ASH1L: variants seen among roughly 807,000 people sequenced by gnomAD.
ASH1L encodes histone-lysine N-methyltransferase ASH1L.
In ASH1L, 23 loss-of-function variants were observed where a neutral mutation model predicts 269.0. The ratio of observed to expected loss-of-function variants is 0.09; its 90% CI spans 0.06 to 0.12. ASH1L has a LOEUF of 0.12. ASH1L is among the 10% of genes least tolerant of loss of function. The pLI is 1.00. For missense variants in ASH1L, 2,912 were observed against 3,567.8 expected, an observed-to-expected ratio of 0.82 and a Z score of 4.68; for synonymous variants, 1,187 against 1,253.5, an observed-to-expected ratio of 0.95 and a Z score of 1.12.
intron 1 of ASH1L, among the ~76,000 whole-genome samples, chr1:155,531,937 T>C (rs558109591): frequency 1.1e-4 from 16 of 152,356 alleles, no homozygotes; most frequent in African/African-American, 3.4e-4. Flanking sequence ...TTCAAAGCAA[T>C]GTTCATTGAG....
In ASH1L at chr1:155,477,969, A is replaced by G. The variant is rs1180047464; in HGVS notation, c.4901T>C (p.Phe1634Ser). Residue 1634 changes from phenylalanine to serine, a missense_variant, in exon 3 of 28, where the codon TTT becomes TCT. Physicochemically the swap from Phe to Ser is radical, Grantham distance 155 (BLOSUM62 -2). Around this residue, in one of 13 missense-constraint regions of ASH1L, gnomAD observed 789 missense variants for 897.6 expected, o/e 0.88. Transcript: ENST00000392403. ...RKKLTDSPGL[F>S]SAQDTSLNRL... is the part of the protein sequence containing the mutation. Reference sequence around the variant, plus strand: ...ATTTAGTGAAGTGTCCTGTGCAGAAAAGAGTCCAGGGCTGTCAGTTAATTT... The same window carrying G: ...ATTTAGTGAAGTGTCCTGTGCAGAAGAGAGTCCAGGGCTGTCAGTTAATTT... 7 of 1,614,218 alleles carry G rather than the reference A, an allele frequency of 4.3e-6. No homozygotes were observed. The highest frequency in any genetic ancestry group is 2.2e-5 in the East Asian group (1 of 44,886).
chr1:155,427,413 T>C (rs1363694804), intron 5 of ASH1L, among the ~76,000 whole-genome samples: 1 of 152,092 alleles, frequency 6.6e-6, no homozygotes. Context: ...GTCCAAGCGA[T>C]TGTCCTGCCT....
chr1:155,496,134 C>T (rs1667139987), intron 2 of ASH1L, among the ~76,000 whole-genome samples: 1 of 152,142 alleles, frequency 6.6e-6, no homozygotes, highest in South Asian at 2.1e-4. Flanking sequence ...TACAGCTGTA[C>T]AAAATCTTTT....
intron 10 of ASH1L, among the ~76,000 whole-genome samples, chr1:155,378,027 A>G (rs1656612859): frequency 1.3e-5 from 2 of 152,008 alleles, no homozygotes; most frequent in Non-Finnish European, 2.9e-5. Flanking sequence ...CGTCTCAAAA[A>G]AAAAACAAAA....
intron 12 of ASH1L, among the ~76,000 whole-genome samples, chr1:155,364,301 T>C (rs1655220618): frequency 6.6e-6 from 1 of 152,170 alleles, no homozygotes; most frequent in South Asian, 2.1e-4. Context: ...TAGTTGACAT[T>C]CTTGCACAAG....
At chr1:155,458,443 G>A (rs879817968) in intron 4 of ASH1L, among the ~76,000 whole-genome samples, 10 of 152,106 alleles carry the variant, frequency 6.6e-5, no homozygotes, top group Non-Finnish European at 1.0e-4. Context: ...GGCTGGGTGC[G>A]GTGGCTCATG....
chr1:155,496,606 G>A (rs540636269), intron 2 of ASH1L, among the ~76,000 whole-genome samples: 1 of 152,044 alleles, frequency 6.6e-6, no homozygotes, highest in South Asian at 2.1e-4. Flanking sequence ...AAATCCTCAC[G>A]TATACACGAG....
chr1:155,413,522 G>GGC (rs1659968294), intron 6 of ASH1L, among the ~76,000 whole-genome samples: 1 of 152,148 alleles, frequency 6.6e-6, no homozygotes, highest in Non-Finnish European at 1.5e-5. Context: ...CAGGAGAATC[G>GGC]CTTGAACCCA....
At chr1:155,452,601 G>A (rs1663569769) in intron 4 of ASH1L, among the ~76,000 whole-genome samples, 1 of 150,068 alleles carries the variant, frequency 6.7e-6, no homozygotes, top group Admixed American at 6.7e-5. Context: ...CTGTTGCCCA[G>A]GCTGGAGTGC....
chr1:155,383,176 ATTAAGT>A (rs1314499843), intron 7 of ASH1L, among the ~76,000 whole-genome samples: 2 of 152,264 alleles, frequency 1.3e-5, no homozygotes, highest in African/African-American at 4.8e-5. Flanking sequence ...GTGTTAAAAA[ATTAAGT>A]TTATAAAGTA....
Position 155,336,425 on chromosome 1 carries a change from G to T in ASH1L, c.*1235C>A, listed in dbSNP as rs1222119059. 1 of 151,204 alleles carries T rather than the reference G, an allele frequency of 6.6e-6. No homozygotes were observed. The highest frequency in any genetic ancestry group is 1.5e-5 in the Non-Finnish European group (1 of 67,728). The allele number at this position is 151,204 out of a possible 1,614,324, so 9.4% of individuals were successfully genotyped here. A position where few individuals can be genotyped will look rare whatever the true frequency, so the allele number is the denominator to read the frequency against. ...TATATACACACACACACACAACTTG[G>T]CACATTTAAAAACCATCTTTTCTCT... On this transcript the variant is annotated 3_prime_UTR_variant, in exon 28 of 28. Transcript: ENST00000392403.
At chr1:155,363,677 T>C (rs1029429843) in intron 12 of ASH1L, among the ~76,000 whole-genome samples, 3 of 152,046 alleles carry the variant, frequency 2.0e-5, no homozygotes, top group African/African-American at 7.2e-5. Context: ...TCTTTTTTTT[T>C]GAGACAGAGT....
At position 155,480,651 on chromosome 1, in the gene ASH1L, T is replaced by G. The variant is rs1222376918; in HGVS notation, c.2219A>C (p.Glu740Ala). ...GCTACATGAAACGTTTTTAAAAAGC[T>G]CTGATCTTTCTAATTCTAGCCCTTT... ...SPKGLELERS[E>A]LFKNVSCSSL... is the part of the protein sequence containing the mutation. The change falls in exon 3 of 28, where the codon GAG (glutamate) becomes GCG (alanine). Residue 740 changes from glutamate (E) to alanine (A), a missense_variant. By Grantham distance (107) the Glu-to-Ala change is moderately radical (BLOSUM62 -1). Coordinates refer to ENST00000392403, the MANE Select transcript of ASH1L (RefSeq NM_018489.3). 10 of 1,614,118 alleles carry G rather than the reference T, an allele frequency of 6.2e-6. No individual in the cohort carries two copies. The highest frequency in any genetic ancestry group is 8.5e-6 in the Non-Finnish European group (10 of 1,179,998).
At chr1:155,411,421 C>A (rs1197465949) in intron 6 of ASH1L, among the ~76,000 whole-genome samples, 2 of 150,924 alleles carry the variant, frequency 1.3e-5, no homozygotes, top group Non-Finnish European at 2.9e-5. Context: ...GAGACACTTA[C>A]AAATCACTGA....
At chr1:155,408,777 G>T (rs115731994) in intron 6 of ASH1L, among the ~76,000 whole-genome samples, 1,566 of 152,148 alleles carry the variant, frequency 0.01, 30 homozygotes, top group African/African-American at 0.036. Flanking sequence ...CACTTTGGGA[G>T]GCTGAGGCAG....
Position 155,479,176 on chromosome 1 carries a change from G to A in ASH1L, c.3694C>T (p.Leu1232=), listed in dbSNP as rs140603576. The change falls in exon 3 of 28, where the codon CTG becomes TTG. Residue 1232 remains leucine (L), a synonymous_variant. Coordinates refer to ENST00000392403, the MANE Select transcript of ASH1L (RefSeq NM_018489.3). ...ACTGTAGAGGTTTCAGGGGGAATCA[G>A]AGAAACATGCTCAAAAGAATGCCTC... ...KRRHSFEHVS[L]IPPETSTVLS... is the part of the protein sequence containing the mutation. The A allele has an allele frequency of 6.2e-7, 1 of 1,614,132 alleles. No homozygotes were observed. Among genetic ancestry groups the A allele is most frequent in the East Asian group, 2.2e-5 (1 of 44,888 alleles).
intron 12 of ASH1L, among the ~76,000 whole-genome samples, chr1:155,362,841 C>G (rs906261364): frequency 1.3e-5 from 2 of 152,110 alleles, no homozygotes; most frequent in African/African-American, 4.8e-5. Flanking sequence ...TTTGACTCAG[C>G]CTTTTTCTTC....
chr1:155,464,268 C>T (rs919843319), intron 3 of ASH1L, among the ~76,000 whole-genome samples: 11 of 152,162 alleles, frequency 7.2e-5, no homozygotes, highest in African/African-American at 2.4e-4. Context: ...TCTGACACTT[C>T]CTCAAAGCAT....
At chr1:155,460,723 T>A (rs1664239042) in intron 3 of ASH1L, among the ~76,000 whole-genome samples, 1 of 152,224 alleles carries the variant, frequency 6.6e-6, no homozygotes, top group Non-Finnish European at 1.5e-5. Context: ...AAACTGGTAA[T>A]TAATTTATCC....
Sources: allele counts gnomAD v4.1 joint callset (sites outside exome capture counted in the v4.1 genomes callset), GRCh38; gene constraint gnomAD v4.1.1; regional missense constraint gnomAD v4.1.1; transcripts MANE v1.5; gene names NCBI Gene and HGNC (gene_info 2026-07-23, HGNC 2026-07-21).